Variants in CTNNA2 observed in about 807,000 individuals in gnomAD.
CTNNA2 encodes catenin alpha 2, also known as catenin alpha-2.
Under a neutral mutation model 101.0 loss-of-function variants are expected in CTNNA2, and 42 were observed. The ratio of observed to expected loss-of-function variants is 0.42; its 90% CI spans 0.32 to 0.54. CTNNA2 has a LOEUF of 0.54. Ranked by LOEUF, CTNNA2 falls within the 20% of genes least tolerant of loss-of-function variation. CTNNA2 has a pLI of 0.14. For synonymous variants in CTNNA2, 450 were observed against 456.4 expected (o/e 0.99, Z 0.18); for missense variants, 871 against 1,223.1 (o/e 0.71, Z 4.29).
chr2:79,569,298 A>G (rs1337213534), intron 1 of CTNNA2, among the ~76,000 whole-genome samples: 1 of 152,082 alleles, frequency 6.6e-6, no homozygotes, highest in Non-Finnish European at 1.5e-5. Flanking sequence ...ATTTTAGCTA[A>G]GTAGATGAAT....
At chr2:79,260,346 A>G (rs192750709) in intron 2 of CTNNA2, among the ~76,000 whole-genome samples, 1 of 152,262 alleles carries the variant, frequency 6.6e-6, no homozygotes, top group Admixed American at 6.5e-5. Flanking sequence ...CATTTGTAAA[A>G]TCAATGGGTG....
chr2:79,800,045 G>A (rs1004411887), intron 3 of CTNNA2, among the ~76,000 whole-genome samples: 5 of 152,106 alleles, frequency 3.3e-5, no homozygotes, highest in African/African-American at 1.2e-4. Flanking sequence ...TTTTCCTAAG[G>A]AACTTCACAT....
intron 7 of CTNNA2, among the ~76,000 whole-genome samples, chr2:80,130,661 A>G (rs1166590475): frequency 6.6e-6 from 1 of 152,204 alleles, no homozygotes; most frequent in African/African-American, 2.4e-5. Context: ...GCTAGAACCT[A>G]GAATGAGAAT....
intron 7 of CTNNA2, chr2:80,162,766 C>G (rs1218190331): frequency 2.6e-5 from 41 of 1,594,990 alleles, no homozygotes; most frequent in Non-Finnish European, 3.4e-5. Context: ...GGTGAAGAAG[C>G]AAATTTTCCA....
intron 4 of CTNNA2, among the ~76,000 whole-genome samples, chr2:79,473,723 G>A (rs1671024806): frequency 6.6e-6 from 1 of 152,174 alleles, no homozygotes; most frequent in Non-Finnish European, 1.5e-5. Context: ...ATGTCATCAT[G>A]TGGTGAACTT....
In CTNNA2 at chr2:80,303,936, AAATC is replaced by A; in HGVS notation, c.1057-89272_1057-89269del. 8.3e-7 allele frequency: 1 copy of A among 1,202,842 alleles called. No individual in the cohort carries two copies. Among genetic ancestry groups the A allele is most frequent in the Non-Finnish European group, 1.1e-6 (1 of 895,648 alleles). The allele number at this position is 1,202,842 out of a possible 1,614,324, so 74.5% of individuals were successfully genotyped here. On this transcript the variant is annotated intron_variant, in intron 7 of 18. Transcript: ENST00000402739. This position sits in a 1 kb window ranked among gnomAD's most constrained non-coding sequence, Gnocchi z 7.7. ...CGGGGGAGGGGGAGAAAAGGGCAAA[AAATC>A]AAATAAATACATAGAAATAAAGAAG...
intron 9 of CTNNA2, among the ~76,000 whole-genome samples, chr2:80,538,004 G>A (rs924675266): frequency 6.6e-6 from 1 of 152,056 alleles, no homozygotes; most frequent in Non-Finnish European, 1.5e-5. Flanking sequence ...TTTTTCATAT[G>A]TTTGTTGGCC....
intron 9 of CTNNA2, among the ~76,000 whole-genome samples, chr2:80,479,370 G>C (rs552386982): frequency 5.9e-5 from 9 of 152,176 alleles, no homozygotes; most frequent in Non-Finnish European, 1.3e-4. Context: ...TAAAGACTAG[G>C]GTGCTGCTAA....
At chr2:79,595,953 C>T (rs962968575) in intron 1 of CTNNA2, among the ~76,000 whole-genome samples, 2 of 150,342 alleles carry the variant, frequency 1.3e-5, no homozygotes, top group African/African-American at 4.9e-5. Flanking sequence ...TGACACAGAT[C>T]CATTCCGCCA....
At chr2:80,032,397 C>T (rs1297346464) in intron 7 of CTNNA2, among the ~76,000 whole-genome samples, 3 of 151,990 alleles carry the variant, frequency 2.0e-5, no homozygotes, top group African/African-American at 4.8e-5. Flanking sequence ...TTTATTGGAG[C>T]AATACAAAGG....
intron 7 of CTNNA2, among the ~76,000 whole-genome samples, chr2:79,969,872 C>T (rs1177981003): frequency 6.6e-6 from 1 of 152,072 alleles, no homozygotes; most frequent in Non-Finnish European, 1.5e-5. Flanking sequence ...ATATTCCATG[C>T]CAAAAGTGTG....
chr2:80,535,858 T>C (rs1690964512), intron 9 of CTNNA2, among the ~76,000 whole-genome samples: 3 of 152,200 alleles, frequency 2.0e-5, no homozygotes. Context: ...CATTTTAAAA[T>C]GATTCCATAA....
intron 4 of CTNNA2, among the ~76,000 whole-genome samples, chr2:79,381,765 C>T (rs6547234): frequency 0.71 from 107,867 of 152,096 alleles, 39,029 homozygotes; most frequent in South Asian, 0.82. Flanking sequence ...TAATAGATTG[C>T]TCAACAAGCA....
intron 1 of CTNNA2, among the ~76,000 whole-genome samples, chr2:79,516,209 A>C (rs1234443328): frequency 1.3e-5 from 2 of 152,224 alleles, no homozygotes; most frequent in East Asian, 3.8e-4. Flanking sequence ...TTAAAGGTTA[A>C]ATGTGTTTAG....
At chr2:80,211,374 A>G (rs1707879297) in intron 7 of CTNNA2, among the ~76,000 whole-genome samples, 2 of 152,154 alleles carry the variant, frequency 1.3e-5, no homozygotes, top group South Asian at 4.1e-4. Flanking sequence ...TCTTTAATCC[A>G]TCTTGAGTTA....
chr2:80,519,119 T>G (rs1035304716), intron 9 of CTNNA2, among the ~76,000 whole-genome samples: 1 of 151,762 alleles, frequency 6.6e-6, no homozygotes, highest in Non-Finnish European at 1.5e-5. Flanking sequence ...TCTTTCTCTT[T>G]TGTGTGTGTG....
intron 7 of CTNNA2, among the ~76,000 whole-genome samples, chr2:80,052,550 A>G (rs1172985625): frequency 6.6e-6 from 1 of 152,258 alleles, no homozygotes; most frequent in Non-Finnish European, 1.5e-5. Context: ...CAATGCATGC[A>G]TTTGAAAACT....
At chr2:80,288,591 G>A (rs1674973079) in intron 7 of CTNNA2, 1 of 152,256 alleles carries the variant, frequency 6.6e-6, no homozygotes, top group Non-Finnish European at 1.5e-5. Flanking sequence ...CATAAACCAG[G>A]AATCCACTGC....
At chr2:80,454,886 C>T (rs1252922909) in intron 9 of CTNNA2, among the ~76,000 whole-genome samples, 2 of 152,202 alleles carry the variant, frequency 1.3e-5, no homozygotes, top group African/African-American at 2.4e-5. Flanking sequence ...ATGGGCTAGC[C>T]CGGGGAAGGC....
Sources: allele counts gnomAD v4.1 joint callset (sites outside exome capture counted in the v4.1 genomes callset), GRCh38; gene constraint gnomAD v4.1.1; non-coding constraint Gnocchi (gnomAD v3.1); transcripts MANE v1.5; gene names NCBI Gene and HGNC (gene_info 2026-07-23, HGNC 2026-07-21).